Variants in GTF2F2 observed in about 807,000 individuals in gnomAD.
The protein encoded by GTF2F2 is ATP-dependent helicase GTF2F2.
Under a neutral mutation model 42.2 loss-of-function variants are expected in GTF2F2, and 23 were observed. The observed-to-expected ratio is 0.55, with a 90% CI of 0.39 to 0.77. GTF2F2 has a LOEUF of 0.77. Among genes scored for constraint, GTF2F2 ranks in the 30% least tolerant of loss-of-function variants. The pLI is 0.00. For missense variants in GTF2F2, 261 were observed against 287.2 expected, an observed-to-expected ratio of 0.91 and a Z score of 0.66; for synonymous variants, 105 against 100.8, an observed-to-expected ratio of 1.04 and a Z score of -0.25.
intron 7 of GTF2F2, among the ~76,000 whole-genome samples, chr13:45,271,871 G>T (rs1488889703): frequency 6.6e-6 from 1 of 152,036 alleles, no homozygotes; most frequent in Non-Finnish European, 1.5e-5. Flanking sequence ...GGTATGTAGA[G>T]AGTAGAATTT....
chr13:45,122,909 A>G (rs1471917457), intron 1 of GTF2F2, among the ~76,000 whole-genome samples: 1 of 152,188 alleles, frequency 6.6e-6, no homozygotes. Context: ...AGAACTATAC[A>G]TACAAGATCT....
chr13:45,230,440 T>C (rs1002430909), intron 5 of GTF2F2, among the ~76,000 whole-genome samples: 2 of 152,076 alleles, frequency 1.3e-5, no homozygotes, highest in African/African-American at 4.8e-5. Flanking sequence ...AGGACTTTAG[T>C]AGGAGAAATA....
intron 2 of GTF2F2, among the ~76,000 whole-genome samples, chr13:45,143,330 A>G (rs148578172): frequency 2.3e-4 from 35 of 152,316 alleles, no homozygotes; most frequent in African/African-American, 8.4e-4. Context: ...TTAGAAAGGC[A>G]GTGTGGCATA....
chr13:45,256,435 A>G (rs1260063950), intron 6 of GTF2F2, among the ~76,000 whole-genome samples: 2 of 152,150 alleles, frequency 1.3e-5, no homozygotes, highest in Non-Finnish European at 2.9e-5. Flanking sequence ...TATAAAGATA[A>G]TTAACATTAA....
chr13:45,161,477 C>T (rs527522840), intron 4 of GTF2F2, among the ~76,000 whole-genome samples: 2 of 152,164 alleles, frequency 1.3e-5, no homozygotes, highest in African/African-American at 4.8e-5. Flanking sequence ...ACTCCTCCCC[C>T]CAGTGCTTCT....
chr13:45,178,690 A>G (rs978808574), intron 4 of GTF2F2, among the ~76,000 whole-genome samples: 2 of 151,948 alleles, frequency 1.3e-5, no homozygotes, highest in African/African-American at 4.8e-5. Flanking sequence ...ACCTACTCTC[A>G]CCCAAGCACT....
At chr13:45,191,320 G>T (rs944723631) in intron 4 of GTF2F2, among the ~76,000 whole-genome samples, 1 of 146,216 alleles carries the variant, frequency 6.8e-6, no homozygotes. Flanking sequence ...AAATATAAGA[G>T]AATATATGTT....
chr13:45,136,661 C>A, intron 1 of GTF2F2, 72 bp from the exon 2 acceptor site: 1 of 789,816 alleles, frequency 1.3e-6, no homozygotes, highest in East Asian at 2.5e-5. Flanking sequence ...AAAATAGAAG[C>A]AATATATCAT....
chr13:45,243,753 T>A (rs941802786), intron 5 of GTF2F2, among the ~76,000 whole-genome samples: 5 of 152,164 alleles, frequency 3.3e-5, no homozygotes, highest in African/African-American at 1.2e-4. Flanking sequence ...CTCCACCTCC[T>A]GGGTTCAAAC....
intron 2 of GTF2F2, among the ~76,000 whole-genome samples, chr13:45,138,846 A>G (rs1435287080): frequency 1.3e-5 from 2 of 152,270 alleles, no homozygotes; most frequent in East Asian, 1.9e-4. Context: ...GGGTTTCGCC[A>G]TGTTGGCCAA....
chr13:45,231,400 C>G (rs548022678), intron 5 of GTF2F2, among the ~76,000 whole-genome samples: 1 of 152,156 alleles, frequency 6.6e-6, no homozygotes, highest in Admixed American at 6.6e-5. Flanking sequence ...GCCACTGTGC[C>G]GGCCTATTTT....
At chr13:45,141,320 C>G (rs184390047) in intron 2 of GTF2F2, among the ~76,000 whole-genome samples, 13 of 152,242 alleles carry the variant, frequency 8.5e-5, no homozygotes, top group South Asian at 6.2e-4. Flanking sequence ...CTTATGAATC[C>G]TTGCTTGGTA....
rs148274931 is a variant in GTF2F2 at position 45,274,359 on chromosome 13, C to T, written c.630+6983C>T. 5.9e-3 allele frequency among the ~76,000 whole-genome samples: 767 copies of T among 130,574 alleles called. 9 individuals carry two copies. The highest frequency in any genetic ancestry group is 0.022 in the African/African-American group (731 of 32,928). The allele number at this position is 130,574 out of a possible 152,430, so 85.7% of individuals were successfully genotyped here. A position where few individuals can be genotyped will look rare whatever the true frequency, so the allele number is the denominator to read the frequency against. On this transcript the variant is annotated intron_variant, in intron 7 of 7. Coordinates refer to ENST00000340473, the MANE Select transcript of GTF2F2 (RefSeq NM_004128.3). ...TTTTTTTTTTTGAGATGGAGTCTCG[C>T]TCTGTCACCCAGGCTGGAGTGCAGT...
At chr13:45,261,796 T>A (rs1876354830) in intron 6 of GTF2F2, among the ~76,000 whole-genome samples, 1 of 152,236 alleles carries the variant, frequency 6.6e-6, no homozygotes, top group Admixed American at 6.5e-5. Flanking sequence ...AATCTTCTCC[T>A]AAATAGAATA....
chr13:45,218,634 A>C (rs1242546537), intron 5 of GTF2F2, among the ~76,000 whole-genome samples: 1 of 152,218 alleles, frequency 6.6e-6, no homozygotes, highest in African/African-American at 2.4e-5. Context: ...CAGGCACTGG[A>C]ATTTTCAATT....
In GTF2F2 at chr13:45,136,798, G is replaced by A. The variant is rs375261432; in HGVS notation, c.132G>A (p.Arg44=). 3 of 1,566,520 alleles carry A rather than the reference G, an allele frequency of 1.9e-6. No homozygotes were observed. The highest frequency in any genetic ancestry group is 1.8e-6 in the Non-Finnish European group (2 of 1,137,450). ...GAAGAGGTGAAGTTGGGAAACTGCG[G>A]ATTGCCAAGTAAGTTATTTACATAT... ...ASGRGEVGKL[R]IAKTQGRTEV... is the part of the protein sequence containing the mutation. The change falls in exon 2 of 8, where the codon CGG becomes CGA. Residue 44 remains arginine, a synonymous_variant. Coordinates refer to ENST00000340473, the MANE Select transcript of GTF2F2 (RefSeq NM_004128.3).
At chr13:45,236,528 C>A (rs921884600) in intron 5 of GTF2F2, among the ~76,000 whole-genome samples, 1 of 143,940 alleles carries the variant, frequency 6.9e-6, no homozygotes, top group African/African-American at 2.7e-5. Context: ...CACACACACA[C>A]AAGTTTATGA....
chr13:45,181,539 A>G (rs1362958001), intron 4 of GTF2F2, among the ~76,000 whole-genome samples: 1 of 152,156 alleles, frequency 6.6e-6, no homozygotes. Flanking sequence ...AAACAACAGC[A>G]ACTTTACATT....
chr13:45,243,124 G>A (rs566184603), intron 5 of GTF2F2, among the ~76,000 whole-genome samples: 2 of 152,198 alleles, frequency 1.3e-5, no homozygotes, highest in African/African-American at 2.4e-5. Flanking sequence ...CCAGGACTCC[G>A]TCACATACCA....
Sources: gnomAD v4.1 joint callset for allele counts (sites outside exome capture counted in the v4.1 genomes callset) on GRCh38, gnomAD v4.1.1 for gene constraint, MANE v1.5 for transcripts, NCBI Gene and HGNC (gene_info 2026-07-23, HGNC 2026-07-21) for gene names.